Variants in SPG7 observed in about 807,000 individuals in gnomAD.
The protein encoded by SPG7 is SPG7 matrix AAA peptidase subunit, paraplegin, also known as mitochondrial inner membrane m-AAA protease component paraplegin.
Under a neutral mutation model 81.9 loss-of-function variants are expected in SPG7, and 103 were observed. The observed-to-expected ratio is 1.26, with a 90% CI of 1.07 to 1.48. The LOEUF is 1.48. Among genes scored for constraint, SPG7 ranks in the 40% most tolerant of loss-of-function variants. The probability of loss-of-function intolerance (pLI) is 0.00; values close to 1 mark genes in which losing one functional copy is unlikely to be tolerated. For missense variants in SPG7, 1,241 were observed against 1,087.3 expected (o/e 1.14, Z -1.99); for synonymous variants, 534 against 444.2 (o/e 1.20, Z -2.54).
chr16:89,526,947 ACGTAGGATGGCGAAGTCTCAGCCCCCGAC>A (rs2058271747), intron 5 of SPG7: 1 of 227,758 alleles, frequency 4.4e-6, no homozygotes, highest in African/African-American at 2.4e-5. Flanking sequence ...TCAGCCCCCG[ACGTAGGATGGCGAAGTCTCAGCCCCCGAC>A]GTAGGATGGC....
chr16:89,524,724 C>T lies in SPG7; in HGVS notation c.618+477C>T, dbSNP rs113178267. On this transcript the variant is annotated intron_variant, in intron 4 of 16. Transcript: ENST00000645818. The stretch of plus-strand genomic sequence containing the variant: ...CCTCCCAAAGTGCTGGGATTACAGG[C>T]GTGAGCCATCGTGCCCAGCCAGATC... 9.8e-3 allele frequency among the ~76,000 whole-genome samples: 1,488 copies of T among 152,214 alleles called. 9 individuals carry two copies. Among genetic ancestry groups the T allele is most frequent in the Non-Finnish European group, 0.016 (1,092 of 68,000 alleles).
At chr16:89,554,198 A>C (rs1044159310) in intron 15 of SPG7, among the ~76,000 whole-genome samples, 1 of 151,940 alleles carries the variant, frequency 6.6e-6, no homozygotes, top group Non-Finnish European at 1.5e-5. Flanking sequence ...TATCAAATAA[A>C]TACACCGAGC....
intron 12 of SPG7, chr16:89,550,148 G>A (rs1234837274): frequency 1.1e-5 from 4 of 356,412 alleles, no homozygotes; most frequent in Non-Finnish European, 1.6e-5. Flanking sequence ...GAGAGGCCGG[G>A]GTCTCAGCTC....
In SPG7 at chr16:89,530,664, C is replaced by A. The variant is rs752986197; in HGVS notation, c.862-19C>A. The A allele has an allele frequency of 3.1e-6, 5 of 1,614,034 alleles. No individual in the cohort carries two copies. In the South Asian group the frequency reaches 3.3e-5, roughly 11 times the overall value. The stretch of plus-strand genomic sequence containing the variant: ...TCCTGACTTCGCCCAGCTCCTTGCA[C>A]TTTGTTCTTTCTGCACAGAATCAGC... On this transcript the variant is annotated intron_variant, in intron 6 of 16. Transcript: ENST00000645818.
intron 9 of SPG7, chr16:89,542,956 T>G (rs1219379494): frequency 6.8e-6 from 1 of 146,114 alleles, no homozygotes; most frequent in Admixed American, 6.8e-5. Context: ...TTTTTTTTTT[T>G]TTTTTTTTTG....
At position 89,529,476 on chromosome 16, in the gene SPG7, G is replaced by A; in HGVS notation, c.759-1G>A. ...GTGCCTGCCTCTCTTTCTTCCGGCAGTGCCCTGTACTCTGTGGGGATGACG... is the reference window on the plus strand; with the variant it reads ...GTGCCTGCCTCTCTTTCTTCCGGCAATGCCCTGTACTCTGTGGGGATGACG... On this transcript the variant is annotated splice_acceptor_variant, in intron 5 of 16. Coordinates refer to ENST00000645818, the MANE Select transcript of SPG7 (RefSeq NM_003119.4). LOFTEE classifies it high-confidence loss of function. 1.2e-6 allele frequency: 2 copies of A among 1,610,200 alleles called. No individual in the cohort carries two copies. The highest frequency in any genetic ancestry group is 1.7e-6 in the Non-Finnish European group (2 of 1,177,110).
intron 12 of SPG7, chr16:89,549,460 A>G: frequency 8.3e-6 from 3 of 359,696 alleles, no homozygotes; most frequent in South Asian, 6.4e-5. Flanking sequence ...GGAGTTTGAG[A>G]CCAGCCTGGG....
chr16:89,551,295 C>G (rs946305833), intron 13 of SPG7: 4 of 164,816 alleles, frequency 2.4e-5, no homozygotes, highest in Non-Finnish European at 5.4e-5. Flanking sequence ...TGCTGTGTTC[C>G]TACCTCAGGG....
rs201272528 is a variant in SPG7 at position 89,553,779 on chromosome 16, G to C, written c.1937-15G>C. The C allele has an allele frequency of 1.2e-6, 2 of 1,613,138 alleles. No individual in the cohort carries two copies. The highest frequency in any genetic ancestry group is 1.7e-6 in the Non-Finnish European group (2 of 1,179,910). ...GCAGTGCTGAGGATGCCTCTGTCTC[G>C]ACCCCGCCCTCCAGGGGCACAGGAC... is the stretch of plus-strand genomic sequence containing the variant. On this transcript the variant is annotated splice_polypyrimidine_tract_variant and intron_variant, in intron 14 of 16. Coordinates refer to ENST00000645818, the MANE Select transcript of SPG7 (RefSeq NM_003119.4).
At chr16:89,554,932 T>C (rs1468474662) in intron 16 of SPG7, 7 of 280,380 alleles carry the variant, frequency 2.5e-5, no homozygotes, top group African/African-American at 1.3e-4. Context: ...CTTTTTTTTT[T>C]TGAGACAAAG....
rs149797758 is a variant in SPG7 at position 89,524,153 on chromosome 16, T to A, written c.524T>A (p.Leu175Gln). The change falls in exon 4 of 17, where the codon CTG (leucine) becomes CAG (glutamine). Residue 175 changes from leucine to glutamine, a missense_variant. Transcript: ENST00000645818. ...TGGAACGACTTTGTCCACGAGATGC[T>A]GGCCAAGGGCGAGGTGCAGCGCGTC... ...ISWNDFVHEMLAKGEVQRVQV... is the reference protein window; with the variant it reads ...ISWNDFVHEMQAKGEVQRVQV... 6.2e-7 allele frequency: 1 copy of A among 1,614,122 alleles called. No homozygotes were observed. The highest frequency in any genetic ancestry group is 1.1e-5 in the South Asian group (1 of 91,076).
chr16:89,510,345 C>G (rs1318107802), intron 1 of SPG7, 145 bp from the exon 2 acceptor site: 3 of 653,050 alleles, frequency 4.6e-6, no homozygotes, highest in Non-Finnish European at 8.1e-6. Context: ...ACCTATTGCT[C>G]AGACTATTAC....
chr16:89,518,844 C>T lies in SPG7; in HGVS notation c.377-5162C>T, dbSNP rs370357666. 453 of 152,126 alleles carry T rather than the reference C, an allele frequency of 3.0e-3. 1 individual carries two copies. The highest frequency in any genetic ancestry group is 0.01 in the African/African-American group (433 of 41,468). 9.4% of individuals were successfully genotyped at this position (152,126 alleles called of 1,614,324 possible). ...CCTCAGCTGCGGTGGGCACACACTG[C>T]GCGTGTGTCATGGGATGACCCCGGG... On this transcript the variant is annotated intron_variant, in intron 3 of 16. Coordinates refer to ENST00000645818, the MANE Select transcript of SPG7 (RefSeq NM_003119.4).
intron 3 of SPG7, chr16:89,522,915 G>C (rs953329145): frequency 6.6e-6 from 1 of 152,532 alleles, no homozygotes; most frequent in Non-Finnish European, 1.5e-5. Context: ...TGCTTGCCAC[G>C]CCTCCTTGCA....
intron 3 of SPG7, chr16:89,519,644 A>C (rs985724560): frequency 2.0e-5 from 3 of 152,126 alleles, no homozygotes; most frequent in Admixed American, 6.5e-5. Context: ...AGCCTCCCGA[A>C]GTGCTGGGAT....
chr16:89,515,323 C>T (rs577433189), intron 3 of SPG7, among the ~76,000 whole-genome samples: 131 of 151,262 alleles, frequency 8.7e-4, no homozygotes, highest in African/African-American at 3.2e-3. Flanking sequence ...GACTGGAGTC[C>T]AGTGGTGCGA....
At chr16:89,545,478 T>A (rs2058551011) in intron 10 of SPG7, 1 of 188,044 alleles carries the variant, frequency 5.3e-6, no homozygotes, top group South Asian at 9.3e-5. Context: ...GGATGGAGAG[T>A]GAAGGGCGGA....
At chr16:89,548,654 G>A (rs1024845993) in intron 12 of SPG7, 4 of 335,638 alleles carry the variant, frequency 1.2e-5, no homozygotes, top group Non-Finnish European at 2.4e-5. Flanking sequence ...CGGGTGACCG[G>A]TGGGCTGACC....
At chr16:89,510,905 G>T (rs1025242633) in intron 2 of SPG7, among the ~76,000 whole-genome samples, 1 of 152,178 alleles carries the variant, frequency 6.6e-6, no homozygotes, top group Non-Finnish European at 1.5e-5. Context: ...TTATCCCCCA[G>T]TTGCAGAGCC....
Sources: gnomAD v4.1 joint callset for allele counts (sites outside exome capture counted in the v4.1 genomes callset) on GRCh38, gnomAD v4.1.1 for gene constraint, MANE v1.5 for transcripts, NCBI Gene and HGNC (gene_info 2026-07-23, HGNC 2026-07-21) for gene names.